Variants in HERC2 observed in about 807,000 individuals in gnomAD.
HERC2 encodes the protein HECT and RLD domain containing E3 ubiquitin protein ligase 2.
Under a neutral mutation model 537.7 loss-of-function variants are expected in HERC2, and 102 were observed. The observed-to-expected ratio is 0.19, with a 90% CI of 0.16 to 0.22. The LOEUF (loss-of-function observed/expected upper bound fraction) is 0.22, where lower values mean the gene tolerates loss of function less well. HERC2 is among the 10% of genes least tolerant of loss of function. The pLI is 1.00. For missense variants in HERC2, 4,236 were observed against 6,198.2 expected, an observed-to-expected ratio of 0.68 and a Z score of 10.63; for synonymous variants, 2,224 against 2,466.2, an observed-to-expected ratio of 0.90 and a Z score of 2.91.
intron 2 of HERC2, among the ~76,000 whole-genome samples, chr15:28,306,872 T>A (rs948852872): frequency 2.0e-5 from 3 of 152,230 alleles, no homozygotes; most frequent in African/African-American, 7.2e-5. Flanking sequence ...TCTCACTCTG[T>A]CACCCAGGCT....
intron 4 of HERC2, among the ~76,000 whole-genome samples, chr15:28,281,555 C>T (rs186670067): frequency 7.9e-4 from 120 of 152,296 alleles, no homozygotes; most frequent in Middle Eastern, 3.4e-3. Context: ...ATGCTCTCCA[C>T]GGGACAGGAG....
intron 43 of HERC2, among the ~76,000 whole-genome samples, 154 bp from the exon 44 acceptor site, chr15:28,211,299 CAG>C (rs1037224135): frequency 6.6e-6 from 1 of 150,748 alleles, no homozygotes; most frequent in Admixed American, 6.6e-5. Context: ...TTGCCTTTCC[CAG>C]AGTTACACTC....
intron 70 of HERC2, 101 bp from the exon 71 acceptor site, chr15:28,146,445 G>A: frequency 1.3e-6 from 1 of 758,076 alleles, no homozygotes; most frequent in African/African-American, 1.8e-5. Context: ...ATGAATAGCA[G>A]AAAGTCAGAA....
intron 8 of HERC2, 23 bp downstream of exon 8, chr15:28,272,871 T>C (rs1163769340): frequency 1.9e-6 from 3 of 1,546,498 alleles, no homozygotes; most frequent in African/African-American, 2.7e-5. Context: ...CCCCAAAGCG[T>C]TCCCGTCTGC....
intron 86 of HERC2, among the ~76,000 whole-genome samples, chr15:28,119,399 CAAAAAAAAAAAAAAAAAAA>C (rs201078187): frequency 7.5e-5 from 10 of 133,928 alleles, no homozygotes; most frequent in Admixed American, 2.8e-4. Context: ...GACTCCCTCT[CAAAAAAAAAAAAAAAAAAA>C]AAAAAAAAAA....
At chr15:28,309,133 C>T (rs1414937301) in intron 2 of HERC2, among the ~76,000 whole-genome samples, 1 of 152,180 alleles carries the variant, frequency 6.6e-6, no homozygotes, top group Non-Finnish European at 1.5e-5. Flanking sequence ...GTAAATTCTG[C>T]AGCCATCAGA....
At chr15:28,249,295 G>A (rs1440790512) in intron 20 of HERC2, among the ~76,000 whole-genome samples, 2 of 152,222 alleles carry the variant, frequency 1.3e-5, no homozygotes, top group East Asian at 1.9e-4. Context: ...TGCAGCAGGT[G>A]CCGAGGGCTC....
chr15:28,290,648 TA>T (rs1333707468), intron 4 of HERC2, among the ~76,000 whole-genome samples: 1 of 152,122 alleles, frequency 6.6e-6, no homozygotes, highest in Non-Finnish European at 1.5e-5. Context: ...ATTTAGAAAT[TA>T]ACAGGAGATA....
chr15:28,256,834 T>C (rs2075278023), intron 17 of HERC2, among the ~76,000 whole-genome samples: 1 of 152,198 alleles, frequency 6.6e-6, no homozygotes, highest in African/African-American at 2.4e-5. Flanking sequence ...GACCTCGTGA[T>C]CCACCCGCCC....
rs560331087 is a variant in HERC2, at chr15:28,142,314, C to T, written c.11624G>A (p.Arg3875Gln). The change falls in exon 76 of 93, where the codon CGG becomes CAG. Residue 3875 changes from arginine to glutamine, a missense_variant. Physicochemically the swap from Arg to Gln is conservative, Grantham distance 43 (BLOSUM62 1). Around this residue, in one of 27 missense-constraint regions of HERC2, gnomAD observed 156 missense variants for 172.3 expected, o/e 0.91. Transcript: ENST00000261609. ...AACACGGGAGGCCATGCAGTACCTCCGGAACCAGGCCCACTTGTGCGTCTC... is the reference window on the plus strand; with the variant it reads ...AACACGGGAGGCCATGCAGTACCTCTGGAACCAGGCCCACTTGTGCGTCTC... ...CAETHKWAWF[R>Q]RYCMASRVAV... 6.2e-6 allele frequency: 10 copies of T among 1,614,202 alleles called. No individual in the cohort carries two copies. The highest frequency in any genetic ancestry group is 1.1e-5 in the South Asian group (1 of 91,074).
intron 2 of HERC2, among the ~76,000 whole-genome samples, chr15:28,318,089 C>T (rs541237909): frequency 4.9e-4 from 75 of 152,172 alleles, no homozygotes; most frequent in African/African-American, 1.8e-3. Flanking sequence ...ACAAAACTGG[C>T]GAACAGGCAT....
chr15:28,245,689 A>G (rs775099402), intron 23 of HERC2, among the ~76,000 whole-genome samples, 192 bp downstream of exon 23: 3 of 152,014 alleles, frequency 2.0e-5, no homozygotes, highest in African/African-American at 4.8e-5. Context: ...AAACACACAT[A>G]TATTTGGTTA....
intron 2 of HERC2, among the ~76,000 whole-genome samples, chr15:28,303,944 T>G (rs1008278469): frequency 3.3e-5 from 5 of 152,104 alleles, no homozygotes; most frequent in African/African-American, 1.2e-4. Flanking sequence ...GGCAGGCGGA[T>G]CACCTGAGGT....
At chr15:28,207,172 G>A (rs1898570505) in intron 44 of HERC2, among the ~76,000 whole-genome samples, 1 of 151,850 alleles carries the variant, frequency 6.6e-6, no homozygotes, top group Admixed American at 6.6e-5. Context: ...GTCTCACTCT[G>A]TTGCCCAGGC....
At chr15:28,160,515 C>T (rs1050208660) in intron 69 of HERC2, among the ~76,000 whole-genome samples, 4 of 152,316 alleles carry the variant, frequency 2.6e-5, no homozygotes, top group Admixed American at 1.3e-4. Flanking sequence ...GCTCCGTGGG[C>T]GTGGGACCCT....
intron 69 of HERC2, among the ~76,000 whole-genome samples, chr15:28,159,191 T>G (rs1893319800): frequency 1.3e-5 from 2 of 152,212 alleles, no homozygotes; most frequent in Non-Finnish European, 1.5e-5. Flanking sequence ...ATTTCAACTT[T>G]GGTGAATCTG....
chr15:28,262,804 C>A, intron 15 of HERC2, 114 bp downstream of exon 15: 1 of 1,132,316 alleles, frequency 8.8e-7, no homozygotes, highest in South Asian at 1.5e-5. Context: ...AGGTTAAGAA[C>A]ATAAAACCTG....
In HERC2 at chr15:28,196,359, T is replaced by A; in HGVS notation, c.8121-5A>T. ...AACATCTGACATCCATCACACCTAT[T>A]TGTAAAATAGCAACTGAGTTAAGAA... is the stretch of plus-strand genomic sequence containing the variant. On this transcript the variant is annotated splice_polypyrimidine_tract_variant and splice_region_variant and intron_variant, in intron 51 of 92. Coordinates refer to ENST00000261609, the MANE Select transcript of HERC2 (RefSeq NM_004667.6). 7.6e-7 allele frequency: 1 copy of A among 1,320,166 alleles called. No individual in the cohort carries two copies. The highest frequency in any genetic ancestry group is 1.1e-6 in the Non-Finnish European group (1 of 943,842). 81.8% of individuals were successfully genotyped at this position (1,320,166 alleles called of 1,614,324 possible).
chr15:28,176,992 C>A lies in HERC2; in HGVS notation c.9390G>T (p.Arg3130=). The change falls in exon 61 of 93, where the codon CGG becomes CGT. Residue 3130 remains arginine (R), a synonymous_variant. Transcript: ENST00000261609. This position sits in a 1 kb window ranked among gnomAD's most constrained non-coding sequence, Gnocchi z 5.0. The part of the protein sequence containing the change: ...LYTWGLGEYG[R]LGHGDNTTQL... ...GTGTCGTATTATCCCCATGTCCCAG[C>A]CGGCCGTACTCGCCGAGGCCCCAGG... The A allele has an allele frequency of 1.2e-6, 2 of 1,614,024 alleles. No individual in the cohort carries two copies.
Sources: allele counts gnomAD v4.1 joint callset (sites outside exome capture counted in the v4.1 genomes callset), GRCh38; gene constraint gnomAD v4.1.1; regional missense constraint gnomAD v4.1.1; non-coding constraint Gnocchi (gnomAD v3.1); transcripts MANE v1.5; gene names NCBI Gene and HGNC (gene_info 2026-07-23, HGNC 2026-07-21).